ZNF335: variants seen among roughly 807,000 people sequenced by gnomAD.
ZNF335 encodes the protein NRC-interacting factor 1.
ZNF335 carries 84 observed loss-of-function variants against 145.6 expected under a neutral mutation model. The observed-to-expected ratio is 0.58, with a 90% CI of 0.48 to 0.69. The LOEUF (loss-of-function observed/expected upper bound fraction) is 0.69, where lower values mean the gene tolerates loss of function less well. Among genes scored for constraint, ZNF335 ranks in the 30% least tolerant of loss-of-function variants. ZNF335 has a pLI of 0.00. For synonymous variants in ZNF335, 761 were observed against 717.0 expected (o/e 1.06, Z -0.98); for missense variants, 1,865 against 1,809.7 (o/e 1.03, Z -0.55).
intron 10 of ZNF335, 33 bp downstream of exon 10, chr20:45,962,037 T>C: frequency 9.5e-7 from 1 of 1,049,966 alleles, no homozygotes; most frequent in Non-Finnish European, 1.4e-6. Context: ...ACCTGGCCTC[T>C]CTTGCCCAGG....
chr20:45,950,610 G>C lies in ZNF335; in HGVS notation c.3190-15C>G, dbSNP rs879878303. On this transcript the variant is annotated splice_polypyrimidine_tract_variant and intron_variant, in intron 20 of 27. Transcript: ENST00000322927. ...GCCATGTGCGCCTGCAGAGAGGGCA[G>C]AGTTGGGGGCATTGGCTGGGTCAGG... The C allele has an allele frequency of 5.6e-6, 9 of 1,613,594 alleles. No homozygotes were observed. The South Asian group carries it at 9.9e-5, about 18-fold the overall frequency.
chr20:45,964,083 C>A, intron 7 of ZNF335, 93 bp from the exon 8 acceptor site: 1 of 1,457,628 alleles, frequency 6.9e-7, no homozygotes, highest in Non-Finnish European at 9.1e-7. Context: ...TATCCTCCCA[C>A]CCACTCATCA....
rs2083648654 is a variant in ZNF335 at position 45,952,319 on chromosome 20, GGGGGCACTGCCA to G, written c.3005_3016del (p.Leu1002_Pro1005del). The G allele has an allele frequency of 6.2e-7, 1 of 1,613,270 alleles. No homozygotes were observed. Among genetic ancestry groups the G allele is most frequent in the Admixed American group, 1.7e-5 (1 of 59,972 alleles). On this transcript the variant is annotated inframe_deletion, in exon 20 of 28. Transcript: ENST00000322927. The stretch of plus-strand genomic sequence containing the variant: ...AGCAGTGGCTGCAGATGGCGGTGAC[GGGGGCACTGCCA>G]GGCCCAGGGCTTTGCTGGTTGCAGG...
At position 45,957,893 on chromosome 20, in the gene ZNF335, C is replaced by A. The variant is rs532614301; in HGVS notation, c.2289G>T (p.Glu763Asp). ...TGTCAGAACAGAGCAATGAGGGAGC[C>A]TCAGATGACTGGAAAGTTGTCGCCT... ...PPEATTFQSS[E>D]APSLLCSDTL... is the part of the protein sequence containing the mutation. The change falls in exon 16 of 28, where the codon GAG becomes GAT. Residue 763 changes from glutamate to aspartate, a missense_variant. Glu to Asp is a conservative substitution (Grantham distance 45). Coordinates refer to ENST00000322927, the MANE Select transcript of ZNF335 (RefSeq NM_022095.4). The A allele has an allele frequency of 2.2e-5, 35 of 1,613,914 alleles. No individual in the cohort carries two copies. The highest frequency in any genetic ancestry group is 2.9e-5 in the Non-Finnish European group (34 of 1,180,020).
rs1369626991 is a variant in ZNF335 at position 45,959,483 on chromosome 20, C to A, written c.2021-50G>T. The A allele has an allele frequency of 4.6e-6, 6 of 1,316,908 alleles. No homozygotes were observed. The South Asian group carries it at 9.5e-5, about 21-fold the overall frequency. 81.6% of individuals were successfully genotyped at this position (1,316,908 alleles called of 1,614,324 possible). ...TTAAGTCTGCCCGTCCCTAGCCTAC[C>A]CCCTCCAGGAATCCTTTCTTGACCC... On this transcript the variant is annotated intron_variant, in intron 14 of 27. Coordinates refer to ENST00000322927, the MANE Select transcript of ZNF335 (RefSeq NM_022095.4).
chr20:45,972,176 T>C lies in ZNF335; in HGVS notation c.-105A>G, dbSNP rs922176425. ...GACTCCGGCATCGACGAGGTCGCCATCCTCTTTCCTCCGCTGCGGAGGAAC... is the reference window on the plus strand; with the variant it reads ...GACTCCGGCATCGACGAGGTCGCCACCCTCTTTCCTCCGCTGCGGAGGAAC... On this transcript the variant is annotated 5_prime_UTR_variant, in exon 1 of 28. It removes an upstream start codon present in the reference 5' UTR. Transcript: ENST00000322927. The C allele has an allele frequency of 2.3e-6, 3 of 1,289,174 alleles. No homozygotes were observed. The highest frequency in any genetic ancestry group is 3.0e-5 in the African/African-American group (2 of 65,716). The allele number at this position is 1,289,174 out of a possible 1,614,324, so 79.9% of individuals were successfully genotyped here.
At chr20:45,951,355 C>T (rs2083627871) in intron 20 of ZNF335, among the ~76,000 whole-genome samples, 1 of 152,242 alleles carries the variant, frequency 6.6e-6, no homozygotes, top group East Asian at 1.9e-4. Flanking sequence ...CCAAGCTGGG[C>T]TGTGAACCTG....
At chr20:45,950,665 C>T in intron 20 of ZNF335, 70 bp from the exon 21 acceptor site, 1 of 1,586,348 alleles carries the variant, frequency 6.3e-7, no homozygotes, top group Non-Finnish European at 8.6e-7. Context: ...CGGATCCCTG[C>T]TGACAGCTGG....
At chr20:45,968,166 T>A in intron 4 of ZNF335, 119 bp downstream of exon 4, 2 of 1,502,702 alleles carry the variant, frequency 1.3e-6, no homozygotes, top group Non-Finnish European at 1.8e-6. Context: ...GTAGGAAAAC[T>A]GAGACCCAGA....
rs749190523 is a variant in ZNF335, at chr20:45,949,365, C to T, written c.3787G>A (p.Glu1263Lys). The change falls in exon 26 of 28, where the codon GAA (glutamate) becomes AAA (lysine). Residue 1263 changes from glutamate (E) to lysine (K), a missense_variant. Physicochemically the swap from Glu to Lys is moderately conservative, Grantham distance 56. Transcript: ENST00000322927. The stretch of plus-strand genomic sequence containing the variant: ...TCCTGAAGGAACGGGGCTCCTTGTT[C>T]ATACTGGATGTGTGTGATCTGGCCC... ...QEGQITHIQY[E>K]QGAPFLQESQ... The T allele has an allele frequency of 1.9e-6, 3 of 1,614,038 alleles. No individual in the cohort carries two copies. Among genetic ancestry groups the T allele is most frequent in the African/African-American group, 1.3e-5 (1 of 74,928 alleles).
chr20:45,957,243 T>C (rs2083745558), intron 17 of ZNF335, among the ~76,000 whole-genome samples: 1 of 152,064 alleles, frequency 6.6e-6, no homozygotes, highest in African/African-American at 2.4e-5. Flanking sequence ...GAAAAGCTAG[T>C]TCAAGCTGTG....
chr20:45,949,214 A>T lies in ZNF335; in HGVS notation c.3857T>A (p.Val1286Asp), dbSNP rs201689645. 1 of 1,613,906 alleles carries T rather than the reference A, an allele frequency of 6.2e-7. No homozygotes were observed. Among genetic ancestry groups the T allele is most frequent in the East Asian group, 2.2e-5 (1 of 44,872 alleles). The change falls in exon 27 of 28, where the codon GTC becomes GAC. Residue 1286 changes from valine to aspartate, a missense_variant. Val to Asp is a radical substitution (Grantham distance 152, BLOSUM62 -3). Coordinates refer to ENST00000322927, the MANE Select transcript of ZNF335 (RefSeq NM_022095.4). ...TGCAGCCTCAAGTTGAGCCTGTGTG[A>T]CAAGCTGCTGGCCTGGGGACACAGG... Reference protein sequence around the residue: ...YVPVSPGQQLVTQAQLEAAAH... With the variant: ...YVPVSPGQQLDTQAQLEAAAH...
intron 7 of ZNF335, 186 bp from the exon 8 acceptor site, chr20:45,964,176 C>G: frequency 1.5e-6 from 1 of 654,314 alleles, no homozygotes. Flanking sequence ...GCCCAACAGC[C>G]GACATTCTGT....
intron 17 of ZNF335, among the ~76,000 whole-genome samples, chr20:45,957,180 T>G (rs190827739): frequency 6.6e-6 from 1 of 152,116 alleles, no homozygotes; most frequent in East Asian, 1.9e-4. Context: ...GAGGAAGCCC[T>G]GGGGTCTGCA....
At chr20:45,951,476 TGG>T in intron 20 of ZNF335, among the ~76,000 whole-genome samples, 1 of 152,374 alleles carries the variant, frequency 6.6e-6, no homozygotes, top group Non-Finnish European at 1.5e-5. Flanking sequence ...CACCAGGGAC[TGG>T]TTTTATGGGA....
At chr20:45,956,984 C>T (rs1287832043) in intron 17 of ZNF335, among the ~76,000 whole-genome samples, 2 of 152,086 alleles carry the variant, frequency 1.3e-5, no homozygotes, top group African/African-American at 2.4e-5. Context: ...TTCTGGAATT[C>T]ATCATCTTAA....
rs148934939 is a variant in ZNF335, at chr20:45,949,996, G to A, written c.3561C>T (p.Ile1187=). 9.9e-6 allele frequency: 16 copies of A among 1,614,144 alleles called. No homozygotes were observed. In the African/African-American group the frequency reaches 1.3e-4, roughly 13 times the overall value. The change falls in exon 23 of 28, where the codon ATC becomes ATT. Residue 1187 remains isoleucine, a synonymous_variant. Coordinates refer to ENST00000322927, the MANE Select transcript of ZNF335 (RefSeq NM_022095.4). The stretch of plus-strand genomic sequence containing the variant: ...TGGTCACTGTCTGTTCCTGGGCAAC[G>A]ATGATGTGTTCCTGGCTCAGTGCCT... ...LQQALSQEHI[I]VAQEQTVTNQ... is the part of the protein sequence containing the mutation.
In ZNF335 at chr20:45,949,871, C is replaced by T. The variant is rs1359783660; in HGVS notation, c.3598G>A (p.Ala1200Thr). 1 of 1,614,134 alleles carries T rather than the reference C, an allele frequency of 6.2e-7. No homozygotes were observed. Among genetic ancestry groups the T allele is most frequent in the Non-Finnish European group, 8.5e-7 (1 of 1,180,014 alleles). The change falls in exon 24 of 28, where the codon GCC (alanine) becomes ACC (threonine). Residue 1200 changes from alanine to threonine, a missense_variant. Coordinates refer to ENST00000322927, the MANE Select transcript of ZNF335 (RefSeq NM_022095.4). Reference protein sequence around the residue: ...QEQTVTNQEEAAYIQEITTAD... With the variant: ...QEQTVTNQEETAYIQEITTAD... ...GTGGTGATCTCTTGGATGTAGGCGG[C>T]TTCCTCCTGCCAGGACCAAGACAGC...
At chr20:45,961,042 G>T (rs551446392) in intron 10 of ZNF335, among the ~76,000 whole-genome samples, 160 bp from the exon 11 acceptor site, 1 of 152,156 alleles carries the variant, frequency 6.6e-6, no homozygotes, top group Admixed American at 6.5e-5. Flanking sequence ...TGGGGAAAAC[G>T]CTAAGGGGCA....
Sources: allele counts gnomAD v4.1 joint callset (sites outside exome capture counted in the v4.1 genomes callset), GRCh38; gene constraint gnomAD v4.1.1; transcripts MANE v1.5; gene names NCBI Gene and HGNC (gene_info 2026-07-23, HGNC 2026-07-21).